Variants in FBLN1 observed in about 807,000 individuals in gnomAD.
The protein encoded by FBLN1 is fibulin 1.
Under a neutral mutation model 89.7 loss-of-function variants are expected in FBLN1, and 34 were observed. The ratio of observed to expected loss-of-function variants is 0.38; its 90% CI spans 0.29 to 0.50. FBLN1 has a LOEUF of 0.50. FBLN1 is among the 20% of genes least tolerant of loss of function. The pLI, the probability that FBLN1 is intolerant of heterozygous loss-of-function variation, is 0.92. For missense variants in FBLN1, 777 were observed against 988.1 expected, an observed-to-expected ratio of 0.79 and a Z score of 2.86; for synonymous variants, 393 against 391.3, an observed-to-expected ratio of 1.00 and a Z score of -0.05.
At chr22:45,582,286 G>A (rs2089048915) in intron 16 of FBLN1, among the ~76,000 whole-genome samples, 2 of 152,214 alleles carry the variant, frequency 1.3e-5, no homozygotes, top group South Asian at 4.1e-4. Context: ...CCCAGCCGTA[G>A]AGGATAAATA....
rs1164329888 is a variant in FBLN1 at position 45,563,095 on chromosome 22, G to A, written c.1698-11416G>A. On this transcript the variant is annotated intron_variant, in intron 14 of 16. Coordinates refer to ENST00000327858, the MANE Select transcript of FBLN1 (RefSeq NM_006486.3). This position sits in a 1 kb window ranked among gnomAD's most constrained non-coding sequence, Gnocchi z 5.7. The stretch of plus-strand genomic sequence containing the variant: ...TGGCCATCACCGGCGGCAATGAGGA[G>A]GGCTTTTTCACCACCCGGAAGGTGA... The A allele has an allele frequency of 6.2e-7, 1 of 1,613,444 alleles. No individual in the cohort carries two copies. Among genetic ancestry groups the A allele is most frequent in the Non-Finnish European group, 8.5e-7 (1 of 1,180,010 alleles).
chr22:45,569,642 AAAGAAGAAGAAGAAGAAGAAG>A (rs56907104), intron 14 of FBLN1, among the ~76,000 whole-genome samples: 65 of 149,858 alleles, frequency 4.3e-4, no homozygotes, highest in African/African-American at 1.2e-3. Context: ...CTGTCTCAAA[AAAGAAGAAGAAGAAGAAGAAG>A]AAGAAGAAGA....
At chr22:45,519,343 G>A (rs897648998) in intron 2 of FBLN1, among the ~76,000 whole-genome samples, 9 of 152,112 alleles carry the variant, frequency 5.9e-5, no homozygotes, top group African/African-American at 9.7e-5. Context: ...ATGAGAAGCC[G>A]GGCGCGGTGG....
intron 14 of FBLN1, among the ~76,000 whole-genome samples, chr22:45,567,914 C>G (rs2051617): frequency 0.67 from 101,104 of 151,888 alleles, 33,799 homozygotes; most frequent in African/African-American, 0.74. Context: ...GAGGCGTTTT[C>G]CTCACTCCAG....
At chr22:45,509,069 G>C (rs1185786199) in intron 1 of FBLN1, among the ~76,000 whole-genome samples, 1 of 152,140 alleles carries the variant, frequency 6.6e-6, no homozygotes, top group African/African-American at 2.4e-5. Context: ...CTGGCCTGAG[G>C]AGAGCAAGCG....
intron 8 of FBLN1, among the ~76,000 whole-genome samples, chr22:45,539,479 G>A (rs1048031944): frequency 7.9e-5 from 12 of 152,106 alleles, no homozygotes; most frequent in Admixed American, 3.3e-4. Context: ...GATTGCAGGC[G>A]TGAGCCACCA....
chr22:45,584,021 A>C (rs1488870251), intron 16 of FBLN1, among the ~76,000 whole-genome samples: 2 of 152,172 alleles, frequency 1.3e-5, no homozygotes, highest in Admixed American at 6.5e-5. Flanking sequence ...CTGTCCCATA[A>C]GGCAGGGGCC....
chr22:45,584,590 C>T (rs2089068983), intron 16 of FBLN1, among the ~76,000 whole-genome samples: 1 of 152,138 alleles, frequency 6.6e-6, no homozygotes, highest in Non-Finnish European at 1.5e-5. Context: ...AGTAAAATTG[C>T]CATAATAATA....
At chr22:45,582,268 GTC>G (rs1162700029) in intron 16 of FBLN1, among the ~76,000 whole-genome samples, 1 of 152,212 alleles carries the variant, frequency 6.6e-6, no homozygotes, top group East Asian at 1.9e-4. Flanking sequence ...CCGTGGTTGA[GTC>G]TGAGTCCCAG....
intron 8 of FBLN1, among the ~76,000 whole-genome samples, chr22:45,540,308 C>T (rs2088538244): frequency 6.6e-6 from 1 of 152,210 alleles, no homozygotes; most frequent in African/African-American, 2.4e-5. Flanking sequence ...ACCTCACTTG[C>T]AGGCTGGCTG....
chr22:45,526,935 G>A (rs186166624), intron 3 of FBLN1, among the ~76,000 whole-genome samples: 1 of 152,288 alleles, frequency 6.6e-6, no homozygotes, highest in East Asian at 1.9e-4. Context: ...AAAAAGCACA[G>A]AACATTCTAG....
chr22:45,585,579 T>G (rs2089077868), intron 16 of FBLN1, among the ~76,000 whole-genome samples: 2 of 152,182 alleles, frequency 1.3e-5, no homozygotes, highest in Non-Finnish European at 2.9e-5. Flanking sequence ...CGCTTTCTCT[T>G]TTCTGGGAGA....
In FBLN1 at chr22:45,572,666, A is replaced by G. The variant is rs767824000; in HGVS notation, c.1698-1845A>G. ...CAATCCTTGATGAATCAGTGGGCGTAGGCCTTGAGCATCAGTAGATGCTGT... is the reference window on the plus strand; with the variant it reads ...CAATCCTTGATGAATCAGTGGGCGTGGGCCTTGAGCATCAGTAGATGCTGT... On this transcript the variant is annotated intron_variant, in intron 14 of 16. Coordinates refer to ENST00000327858, the MANE Select transcript of FBLN1 (RefSeq NM_006486.3). The surrounding 1 kb of genome is among the most constrained non-coding windows in gnomAD (Gnocchi z 5.8). Among the ~76,000 whole-genome samples, 2 of 152,246 alleles carry G rather than the reference A, an allele frequency of 1.3e-5. No individual in the cohort carries two copies. The highest frequency in any genetic ancestry group is 2.9e-5 in the Non-Finnish European group (2 of 68,038).
In FBLN1 at chr22:45,561,536, A is replaced by T. The variant is rs958332507; in HGVS notation, c.1697+10921A>T. On this transcript the variant is annotated intron_variant, in intron 14 of 16. Transcript: ENST00000327858. This position sits in a 1 kb window ranked among gnomAD's most constrained non-coding sequence, Gnocchi z 4.7. ...CTCTAAACAGTTCATGCCAAGGACT[A>T]TCAGTGTTCTCCATACTATTAGAAG... Among the ~76,000 whole-genome samples the T allele has an allele frequency of 1.3e-5, 2 of 152,202 alleles. No individual in the cohort carries two copies. The highest frequency in any genetic ancestry group is 2.9e-5 in the Non-Finnish European group (2 of 68,042).
intron 1 of FBLN1, among the ~76,000 whole-genome samples, chr22:45,517,042 A>G (rs1301642333): frequency 6.6e-6 from 1 of 152,270 alleles, no homozygotes; most frequent in Non-Finnish European, 1.5e-5. Context: ...AAGTGCTTAC[A>G]GTGGCTGATG....
At position 45,550,697 on chromosome 22, in the gene FBLN1, G is replaced by C. The variant is rs542410278; in HGVS notation, c.1697+82G>C. The C allele has an allele frequency of 6.3e-7, 1 of 1,599,072 alleles. No homozygotes were observed. Among genetic ancestry groups the C allele is most frequent in the African/African-American group, 1.3e-5 (1 of 74,798 alleles). On this transcript the variant is annotated intron_variant, in intron 14 of 16. Transcript: ENST00000327858. This position sits in a 1 kb window ranked among gnomAD's most constrained non-coding sequence, Gnocchi z 8.4. Reference sequence around the variant, plus strand: ...CAGTTCCCGGGTGGGTGGGTTATCAGGCTGTGACCTCGGTGTCCTCCCATG... The same window carrying C: ...CAGTTCCCGGGTGGGTGGGTTATCACGCTGTGACCTCGGTGTCCTCCCATG...
Position 45,600,709 on chromosome 22 carries a change from C to T in FBLN1, c.*263C>T. Reference sequence around the variant, plus strand: ...GAAGGCTAAGTGTCACCCCCTTTCTCTGCCTCTGGCTGGGCCTTGCTAAGG... The same window carrying T: ...GAAGGCTAAGTGTCACCCCCTTTCTTTGCCTCTGGCTGGGCCTTGCTAAGG... On this transcript the variant is annotated 3_prime_UTR_variant, in exon 17 of 17. Transcript: ENST00000327858. 1.9e-6 allele frequency: 1 copy of T among 513,874 alleles called. No individual in the cohort carries two copies. Among genetic ancestry groups the T allele is most frequent in the Non-Finnish European group, 3.5e-6 (1 of 282,342 alleles). The allele number at this position is 513,874 out of a possible 1,614,324, so 31.8% of individuals were successfully genotyped here. A position where few individuals can be genotyped will look rare whatever the true frequency, so the allele number is the denominator to read the frequency against.
At position 45,563,198 on chromosome 22, in the gene FBLN1, C is replaced by G. The variant is rs748995133; in HGVS notation, c.1698-11313C>G. On this transcript the variant is annotated intron_variant, in intron 14 of 16. Transcript: ENST00000327858. This position sits in a 1 kb window ranked among gnomAD's most constrained non-coding sequence, Gnocchi z 5.7. ...CTTGCTCCTGACCGTCAAGATGGAT[C>G]TCTCTCGCCACGGCACCGTCAGCTC... The G allele has an allele frequency of 1.9e-6, 3 of 1,613,796 alleles. No homozygotes were observed. Among genetic ancestry groups the G allele is most frequent in the Non-Finnish European group, 2.5e-6 (3 of 1,180,032 alleles).
intron 6 of FBLN1, among the ~76,000 whole-genome samples, chr22:45,533,534 A>G (rs1226898627): frequency 2.6e-5 from 4 of 152,182 alleles, no homozygotes; most frequent in Admixed American, 2.6e-4. Context: ...GGACCACATA[A>G]CTACAGTCTC....
Sources: allele counts gnomAD v4.1 joint callset (sites outside exome capture counted in the v4.1 genomes callset), GRCh38; gene constraint gnomAD v4.1.1; non-coding constraint Gnocchi (gnomAD v3.1); transcripts MANE v1.5; gene names NCBI Gene and HGNC (gene_info 2026-07-23, HGNC 2026-07-21).